Variants in B3GAT3 observed in about 807,000 individuals in gnomAD.
The protein encoded by B3GAT3 is galactosylgalactosylxylosylprotein 3-beta-glucuronosyltransferase 3.
In B3GAT3, 19 loss-of-function variants were observed where a neutral mutation model predicts 33.1. The ratio of observed to expected loss-of-function variants is 0.57; its 90% CI spans 0.40 to 0.84. The LOEUF (loss-of-function observed/expected upper bound fraction) is 0.84. B3GAT3 is among the 40% of genes least tolerant of loss of function. The pLI, the probability that B3GAT3 is intolerant of heterozygous loss-of-function variation, is 0.00. For missense variants in B3GAT3, 344 were observed against 441.5 expected, an observed-to-expected ratio of 0.78 and a Z score of 1.98; for synonymous variants, 167 against 193.5, an observed-to-expected ratio of 0.86 and a Z score of 1.14.
intron 4 of B3GAT3, 67 bp downstream of exon 4, chr11:62,616,439 C>T (rs1309915881): frequency 6.2e-7 from 1 of 1,606,556 alleles, no homozygotes; most frequent in African/African-American, 1.3e-5. Context: ...CCCAGGGTCT[C>T]ACTGTACCTC....
intron 4 of B3GAT3, 73 bp downstream of exon 4, chr11:62,616,433 G>A: frequency 6.3e-7 from 1 of 1,599,450 alleles, no homozygotes; most frequent in East Asian, 2.2e-5. Flanking sequence ...CCCATTCCCA[G>A]GGTCTCACTG....
At chr11:62,620,411 C>A in intron 2 of B3GAT3, 86 bp downstream of exon 2, 2 of 1,287,992 alleles carry the variant, frequency 1.6e-6, no homozygotes, top group Non-Finnish European at 1.1e-6. Flanking sequence ...AGGAACAACT[C>A]CTAGCCCAGT....
chr11:62,620,571 T>C lies in B3GAT3; in HGVS notation c.183A>G (p.Pro61=). ...CAGGGGGCTGGGCAGGGGCAGGGGG[T>C]GGCCGTCGGAGTTCCGCTTGCAGCT... ...ISQLQAELRR[P]PPAPAQPPEP... The change falls in exon 2 of 5, where the codon CCA becomes CCG. Residue 61 remains proline, a synonymous_variant. Coordinates refer to ENST00000265471, the MANE Select transcript of B3GAT3 (RefSeq NM_012200.4). The C allele has an allele frequency of 6.2e-7, 1 of 1,612,072 alleles. No individual in the cohort carries two copies. Among genetic ancestry groups the C allele is most frequent in the Non-Finnish European group, 8.5e-7 (1 of 1,179,280 alleles).
Position 62,620,465 on chromosome 11 carries a change from C to T in B3GAT3, c.257+32G>A, listed in dbSNP as rs760773874. 3.1e-6 allele frequency: 5 copies of T among 1,606,518 alleles called. No individual in the cohort carries two copies. The East Asian group carries it at 6.7e-5, about 22-fold the overall frequency. ...TCATCAACTCCAACTTCTTGGACAA[C>T]GCAGACCTCTTGAGTGCACCAGAGC... is the stretch of plus-strand genomic sequence containing the variant. On this transcript the variant is annotated intron_variant, in intron 2 of 4. Coordinates refer to ENST00000265471, the MANE Select transcript of B3GAT3 (RefSeq NM_012200.4).
At chr11:62,617,722 C>T (rs577356814) in intron 2 of B3GAT3, among the ~76,000 whole-genome samples, 11 of 151,448 alleles carry the variant, frequency 7.3e-5, no homozygotes, top group African/African-American at 2.4e-4. Flanking sequence ...TAAAAAAATA[C>T]AAAAATTTGC....
At chr11:62,616,371 T>C in intron 4 of B3GAT3, 135 bp downstream of exon 4, 1 of 1,313,484 alleles carries the variant, frequency 7.6e-7, no homozygotes, top group Non-Finnish European at 1.1e-6. Context: ...TCCCCTTCAG[T>C]AGAGTCAGCA....
At chr11:62,621,134 A>G in intron 1 of B3GAT3, 1 of 458,594 alleles carries the variant, frequency 2.2e-6, no homozygotes, top group South Asian at 1.5e-5. Flanking sequence ...CTAGGTGACC[A>G]AAGACTCATT....
Position 62,616,720 on chromosome 11 carries a change from T to G in B3GAT3, c.695A>C (p.Gln232Pro). ...GTGGAAGCCCACTACCCGGCCGTCC[T>G]GTACCTGAGGGCCCTCGAATCGCAG... ...GGLRFEGPQV[Q>P]DGRVVGFHTA... Residue 232 changes from glutamine (Q) to proline (P), a missense_variant, in exon 4 of 5, where the codon CAG becomes CCG. Transcript: ENST00000265471. The G allele has an allele frequency of 6.2e-7, 1 of 1,614,102 alleles. No homozygotes were observed. Among genetic ancestry groups the G allele is most frequent in the Non-Finnish European group, 8.5e-7 (1 of 1,179,990 alleles).
chr11:62,616,064 A>G, intron 4 of B3GAT3: 2 of 1,043,218 alleles, frequency 1.9e-6, no homozygotes, highest in Non-Finnish European at 2.6e-6. Context: ...TAACACCGTG[A>G]AACCCCGTCA....
intron 2 of B3GAT3, 197 bp from the exon 3 acceptor site, chr11:62,617,544 C>T: frequency 1.4e-6 from 1 of 710,514 alleles, no homozygotes. Flanking sequence ...TGTCCATCAC[C>T]CACCTCAACT....
At chr11:62,621,098 G>A in intron 1 of B3GAT3, 1 of 462,448 alleles carries the variant, frequency 2.2e-6, no homozygotes, top group Admixed American at 2.3e-5. Flanking sequence ...TTTGCATAAG[G>A]GGCAGGGTTC....
rs1346890994 is a variant in B3GAT3 at position 62,615,381 on chromosome 11, C to T, written c.*320G>A. ...GGTCCAGCCCAGCTCCTCCAGCCCC[C>T]CAGTGCATGCCCAGCCCCAATAAGT... is the stretch of plus-strand genomic sequence containing the variant. On this transcript the variant is annotated 3_prime_UTR_variant, in exon 5 of 5. Transcript: ENST00000265471. 8.0e-6 allele frequency: 4 copies of T among 497,794 alleles called. No individual in the cohort carries two copies. The highest frequency in any genetic ancestry group is 1.5e-5 in the Non-Finnish European group (4 of 272,590). 30.8% of individuals were successfully genotyped at this position (497,794 alleles called of 1,614,324 possible). A position where few individuals can be genotyped will look rare whatever the true frequency, so the allele number is the denominator to read the frequency against.
intron 2 of B3GAT3, among the ~76,000 whole-genome samples, chr11:62,619,175 GAAA>G (rs35210758): frequency 6.9e-6 from 1 of 145,432 alleles, no homozygotes. Flanking sequence ...GCGGGGGGAA[GAAA>G]AAAAAAAAAG....
At chr11:62,617,413 G>C in intron 2 of B3GAT3, 66 bp from the exon 3 acceptor site, 2 of 1,597,000 alleles carry the variant, frequency 1.3e-6, no homozygotes, top group Non-Finnish European at 1.7e-6. Context: ...AGCCAGGGCA[G>C]ACAGCTTCTC....
At chr11:62,618,675 T>C (rs536125270) in intron 2 of B3GAT3, among the ~76,000 whole-genome samples, 69 of 127,204 alleles carry the variant, frequency 5.4e-4, no homozygotes, top group Non-Finnish European at 1.0e-3. Flanking sequence ...AAAAAAAAAA[T>C]ACAAAAGTAA....
intron 2 of B3GAT3, among the ~76,000 whole-genome samples, chr11:62,618,907 C>T (rs975051168): frequency 1.3e-5 from 2 of 151,630 alleles, no homozygotes; most frequent in Admixed American, 6.6e-5. Context: ...TGCTTCAATC[C>T]GGGAGGTGGA....
intron 1 of B3GAT3, 21 bp downstream of exon 1, chr11:62,621,844 AC>A (rs1278724235): frequency 6.2e-7 from 1 of 1,602,102 alleles, no homozygotes; most frequent in East Asian, 2.3e-5. Context: ...AGCCCGCCGC[AC>A]CCCCGCCCCG....
intron 2 of B3GAT3, among the ~76,000 whole-genome samples, chr11:62,617,914 G>A (rs1378521160): frequency 1.3e-5 from 2 of 150,146 alleles, no homozygotes; most frequent in African/African-American, 2.5e-5. Flanking sequence ...GTTGGCTCAC[G>A]CCTATAATCC....
In B3GAT3 at chr11:62,619,699, CTTTTTT is replaced by C. The variant is rs5792264; in HGVS notation, c.257+792_257+797del. Among the ~76,000 whole-genome samples, 181 of 85,712 alleles carry C rather than the reference CTTTTTT, an allele frequency of 2.1e-3. 4 individuals are homozygous for C. The East Asian group carries it at 0.035, about 17-fold the overall frequency. 56.2% of individuals were successfully genotyped at this position (85,712 alleles called of 152,430 possible). A position where few individuals can be genotyped will look rare whatever the true frequency, so the allele number is the denominator to read the frequency against. On this transcript the variant is annotated intron_variant, in intron 2 of 4. Coordinates refer to ENST00000265471, the MANE Select transcript of B3GAT3 (RefSeq NM_012200.4). ...GGCATGCACCATCACGCCTAGCTAA[CTTTTTT>C]TTTTTTTTTTTTTTTTTTTCAGAGA...
Sources: allele counts gnomAD v4.1 joint callset (sites outside exome capture counted in the v4.1 genomes callset), GRCh38; gene constraint gnomAD v4.1.1; transcripts MANE v1.5; gene names NCBI Gene and HGNC (gene_info 2026-07-23, HGNC 2026-07-21).